Variants in ANKS1B observed in about 807,000 individuals in gnomAD.
ANKS1B encodes the protein ankyrin repeat and sterile alpha motif domain containing 1B, also known as ankyrin repeat and sterile alpha motif domain-containing protein 1B.
ANKS1B carries 36 observed loss-of-function variants against 148.3 expected under a neutral mutation model. That is an observed-to-expected ratio of 0.24 (90% CI 0.19 to 0.32). The LOEUF is 0.32. Among genes scored for constraint, ANKS1B ranks in the 10% least tolerant of loss-of-function variants. ANKS1B has a pLI of 1.00. For missense variants in ANKS1B, 1,157 were observed against 1,542.6 expected, an observed-to-expected ratio of 0.75 and a Z score of 4.19; for synonymous variants, 542 against 560.8, an observed-to-expected ratio of 0.97 and a Z score of 0.47.
At chr12:99,155,073 A>G (rs2075850856) in intron 14 of ANKS1B, 1 of 1,534,306 alleles carries the variant, frequency 6.5e-7, no homozygotes, top group Non-Finnish European at 8.7e-7. Context: ...TTGAATCTTC[A>G]TACTGGTTAT....
At chr12:99,030,282 C>T (rs988243503) in intron 17 of ANKS1B, among the ~76,000 whole-genome samples, 1 of 152,176 alleles carries the variant, frequency 6.6e-6, no homozygotes, top group African/African-American at 2.4e-5. Flanking sequence ...GAAATAGGTG[C>T]CACATGCTGT....
At chr12:98,955,741 C>T (rs2153100173) in intron 17 of ANKS1B, among the ~76,000 whole-genome samples, 1 of 152,248 alleles carries the variant, frequency 6.6e-6, no homozygotes, top group South Asian at 2.1e-4. Flanking sequence ...CAGCTGCCAT[C>T]AAGTGAGATG....
chr12:99,706,068 C>G (rs572169482), intron 8 of ANKS1B, among the ~76,000 whole-genome samples: 30 of 152,166 alleles, frequency 2.0e-4, no homozygotes, highest in Admixed American at 3.3e-4. Context: ...GAAGACTAAT[C>G]TAACCCAAAT....
intron 9 of ANKS1B, among the ~76,000 whole-genome samples, chr12:98,737,085 G>A (rs1352153538): frequency 6.6e-6 from 1 of 152,154 alleles, no homozygotes; most frequent in Admixed American, 6.5e-5. Context: ...CTCATTGCCT[G>A]CACTAAGAGA....
At chr12:99,308,939 C>T (rs1430985078) in intron 12 of ANKS1B, among the ~76,000 whole-genome samples, 1 of 149,100 alleles carries the variant, frequency 6.7e-6, no homozygotes, top group Non-Finnish European at 1.5e-5. Context: ...TATATGTTAC[C>T]TGTGTACTAT....
At position 99,416,062 on chromosome 12, in the gene ANKS1B, T is replaced by C. The variant is rs981927964; in HGVS notation, c.1576-16251A>G. Among the ~76,000 whole-genome samples the C allele has an allele frequency of 1.3e-5, 2 of 152,154 alleles. 1 individual carries two copies. Among genetic ancestry groups the C allele is most frequent in the Non-Finnish European group, 2.9e-5 (2 of 68,028 alleles). ...ACTCCTGGTAACTACCGATCTGTTA[T>C]CCAGTTCTACAATTTTGTCACATTA... On this transcript the variant is annotated intron_variant, in intron 11 of 26. Coordinates refer to ENST00000683438, the MANE Select transcript of ANKS1B (RefSeq NM_001352186.2).
intron 1 of ANKS1B, among the ~76,000 whole-genome samples, chr12:99,856,225 G>A (rs2089024299): frequency 1.3e-5 from 2 of 152,030 alleles, no homozygotes; most frequent in Admixed American, 6.5e-5. Flanking sequence ...AAATGAAATG[G>A]GAGATATTAC....
At chr12:99,271,401 T>A (rs1276937438) in intron 12 of ANKS1B, among the ~76,000 whole-genome samples, 1 of 152,068 alleles carries the variant, frequency 6.6e-6, no homozygotes, top group East Asian at 1.9e-4. Flanking sequence ...AACGTTTTGT[T>A]TATACCTACT....
intron 9 of ANKS1B, among the ~76,000 whole-genome samples, chr12:99,556,219 GAGGTGT>G (rs2097274590): frequency 6.6e-6 from 1 of 152,308 alleles, no homozygotes; most frequent in South Asian, 2.1e-4. Flanking sequence ...TGTGTATGCA[GAGGTGT>G]TGATAATAGT....
intron 14 of ANKS1B, among the ~76,000 whole-genome samples, chr12:99,211,903 G>T (rs2083390332): frequency 6.6e-6 from 1 of 152,134 alleles, no homozygotes; most frequent in Admixed American, 6.5e-5. Context: ...CAAACCTCTT[G>T]GTGAAGTGAC....
At chr12:99,293,459 C>T (rs1356027191) in intron 12 of ANKS1B, among the ~76,000 whole-genome samples, 1 of 152,080 alleles carries the variant, frequency 6.6e-6, no homozygotes, top group Non-Finnish European at 1.5e-5. Flanking sequence ...TGTAGCAAAC[C>T]TGCTCGTTGT....
chr12:99,006,816 A>G (rs999612309), intron 17 of ANKS1B, among the ~76,000 whole-genome samples: 3 of 152,334 alleles, frequency 2.0e-5, no homozygotes, highest in Middle Eastern at 6.8e-3. Flanking sequence ...AACTTATTTC[A>G]TATACTCTTC....
At chr12:98,865,182 C>A (rs2099618368) in intron 17 of ANKS1B, among the ~76,000 whole-genome samples, 1 of 152,170 alleles carries the variant, frequency 6.6e-6, no homozygotes, top group East Asian at 1.9e-4. Flanking sequence ...CACCCCAAAT[C>A]TTTCTTGCTA....
At chr12:99,545,393 C>A (rs2097162922) in intron 9 of ANKS1B, among the ~76,000 whole-genome samples, 1 of 152,042 alleles carries the variant, frequency 6.6e-6, no homozygotes, top group African/African-American at 2.4e-5. Flanking sequence ...AGAATATAAA[C>A]AAACTAAAAG....
chr12:99,397,820 A>T (rs1290435283), intron 12 of ANKS1B, among the ~76,000 whole-genome samples: 1 of 152,150 alleles, frequency 6.6e-6, no homozygotes, highest in Non-Finnish European at 1.5e-5. Context: ...TATAATTCTT[A>T]TCACGTTGAG....
chr12:98,772,953 C>A (rs2098608742), intron 25 of ANKS1B, 89 bp downstream of exon 25: 3 of 1,456,004 alleles, frequency 2.1e-6, no homozygotes, highest in African/African-American at 1.4e-5. Flanking sequence ...ACAAGCCAAG[C>A]TAGTGTGTTA....
At position 99,500,926 on chromosome 12, in the gene ANKS1B, C is replaced by T. The variant is rs533911318; in HGVS notation, c.1438+3550G>A. ...CTCAGCTTCTCTTTCATATTTTCCACATTTTTGTCTCTGTGCAACATTCTG... is the reference window on the plus strand; with the variant it reads ...CTCAGCTTCTCTTTCATATTTTCCATATTTTTGTCTCTGTGCAACATTCTG... On this transcript the variant is annotated intron_variant, in intron 10 of 26. Coordinates refer to ENST00000683438, the MANE Select transcript of ANKS1B (RefSeq NM_001352186.2). Among the ~76,000 whole-genome samples the T allele has an allele frequency of 1.3e-4, 20 of 152,240 alleles. 1 individual carries two copies. In the East Asian group the frequency reaches 3.5e-3, roughly 26 times the overall value.
At chr12:99,016,438 T>G (rs2099942581) in intron 17 of ANKS1B, among the ~76,000 whole-genome samples, 1 of 152,304 alleles carries the variant, frequency 6.6e-6, no homozygotes, top group East Asian at 1.9e-4. Flanking sequence ...GGTGGATCAC[T>G]TGAGATCAGA....
Position 99,246,552 on chromosome 12 carries a change from C to T in ANKS1B, c.2069G>A (p.Arg690Lys). Residue 690 changes from arginine to lysine, a missense_variant, in exon 13 of 27, where the codon AGA becomes AAA. By Grantham distance (26) the Arg-to-Lys change is conservative (BLOSUM62 2). This residue lies in a region of ANKS1B where 661 missense variants were observed against 642.1 expected (regional missense o/e 1.03). Transcript: ENST00000683438. ...QLENHTIVGT[R>K]STRSGSRNGD... Reference sequence around the variant, plus strand: ...ATTCCGAGATCCACTCCTGGTTGATCTTGTGCCAACAATGGTATGGTTTTC... The same window carrying T: ...ATTCCGAGATCCACTCCTGGTTGATTTTGTGCCAACAATGGTATGGTTTTC... 2.5e-6 allele frequency: 4 copies of T among 1,613,892 alleles called. No individual in the cohort carries two copies. Among genetic ancestry groups the T allele is most frequent in the Non-Finnish European group, 2.5e-6 (3 of 1,179,852 alleles).
Sources: gnomAD v4.1 joint callset for allele counts (sites outside exome capture counted in the v4.1 genomes callset) on GRCh38, gnomAD v4.1.1 for gene constraint, gnomAD v4.1.1 regional missense constraint, MANE v1.5 for transcripts, NCBI Gene and HGNC (gene_info 2026-07-23, HGNC 2026-07-21) for gene names.